Variants in PCDHGB1 observed in about 807,000 individuals in gnomAD.
PCDHGB1 encodes the protein protocadherin gamma subfamily B, 1, also known as protocadherin gamma-B1.
A neutral mutation model predicts 56.6 loss-of-function variants in PCDHGB1; 34 were observed. That is an observed-to-expected ratio of 0.60 (90% CI 0.46 to 0.80). The LOEUF (loss-of-function observed/expected upper bound fraction) is 0.80, where lower values mean the gene tolerates loss of function less well. PCDHGB1 is among the 30% of genes least tolerant of loss of function. PCDHGB1 has a pLI of 0.00. For missense variants in PCDHGB1, 1,278 were observed against 1,204.6 expected, an observed-to-expected ratio of 1.06 and a Z score of -0.90; for synonymous variants, 561 against 505.9, an observed-to-expected ratio of 1.11 and a Z score of -1.46.
Position 141,383,260 on chromosome 5 carries a change from G to C in PCDHGB1, c.2409+30591G>C, listed in dbSNP as rs375487349. On this transcript the variant is annotated intron_variant, in intron 1 of 3. Coordinates refer to ENST00000523390, the MANE Select transcript of PCDHGB1 (RefSeq NM_018922.3). ...TAAAATGAATCTTTACCCTATAGAC[G>C]TGGAAATAATAGATATTAATGACAA... 3.7e-6 allele frequency: 6 copies of C among 1,613,782 alleles called. No homozygotes were observed. The African/African-American group carries it at 6.7e-5, about 18-fold the overall frequency.
chr5:141,423,569 TC>T (rs2096755253), intron 1 of PCDHGB1: 1 of 1,613,362 alleles, frequency 6.2e-7, no homozygotes, highest in Non-Finnish European at 8.5e-7. Context: ...GACACGCTCA[TC>T]AGCCAGGAGA....
At chr5:141,429,610 T>C (rs2097228693) in intron 1 of PCDHGB1, among the ~76,000 whole-genome samples, 2 of 152,230 alleles carry the variant, frequency 1.3e-5, no homozygotes, top group African/African-American at 4.8e-5. Flanking sequence ...AACTCAATTT[T>C]ATGTCTGATA....
rs762398968 is a variant in PCDHGB1 at position 141,357,089 on chromosome 5, G to T, written c.2409+4420G>T. The T allele has an allele frequency of 2.5e-6, 4 of 1,613,760 alleles. No homozygotes were observed. Among genetic ancestry groups the T allele is most frequent in the Admixed American group, 3.3e-5 (2 of 60,010 alleles). ...CACACAGGCGAGGTGCGCACCGCAC[G>T]GGCCCTGCTGGACAGAGACGCGCTC... is the stretch of plus-strand genomic sequence containing the variant. On this transcript the variant is annotated intron_variant, in intron 1 of 3. Coordinates refer to ENST00000523390, the MANE Select transcript of PCDHGB1 (RefSeq NM_018922.3).
At chr5:141,422,899 G>C (rs759972749) in intron 1 of PCDHGB1, 13 of 1,614,116 alleles carry the variant, frequency 8.1e-6, no homozygotes, top group Middle Eastern at 3.3e-4. Context: ...GGACCAGAAC[G>C]ACAATGCGCC....
chr5:141,393,023 T>G (rs372159245), intron 1 of PCDHGB1: 22 of 1,613,668 alleles, frequency 1.4e-5, no homozygotes, highest in Non-Finnish European at 1.7e-5. Flanking sequence ...TCTCCAGAGG[T>G]AGGACGCAGC....
chr5:141,489,300 C>A lies in PCDHGB1; in HGVS notation c.2410-5507C>A. On this transcript the variant is annotated intron_variant, in intron 1 of 3. Coordinates refer to ENST00000523390, the MANE Select transcript of PCDHGB1 (RefSeq NM_018922.3). The surrounding 1 kb of genome is among the most constrained non-coding windows in gnomAD (Gnocchi z 4.5). ...AATGGCAAGTGCTGTGCATGTTGTC[C>A]TTGTGCTGCTGGGGCTGGGTGTCTG... 1 of 1,585,698 alleles carries A rather than the reference C, an allele frequency of 6.3e-7. No homozygotes were observed. Among genetic ancestry groups the A allele is most frequent in the South Asian group, 1.2e-5 (1 of 85,012 alleles).
At chr5:141,371,107 ACC>A in intron 1 of PCDHGB1, 1 of 1,613,650 alleles carries the variant, frequency 6.2e-7, no homozygotes, top group Non-Finnish European at 8.5e-7. Context: ...GCAAATGATA[ACC>A]CCCCAGTATT....
chr5:141,370,825 A>C, intron 1 of PCDHGB1: 3 of 1,614,070 alleles, frequency 1.9e-6, no homozygotes, highest in Non-Finnish European at 2.5e-6. Context: ...GAAATCAGCG[A>C]ACTGGCTCTC....
At chr5:141,455,920 C>T (rs941360102) in intron 1 of PCDHGB1, among the ~76,000 whole-genome samples, 1 of 147,944 alleles carries the variant, frequency 6.8e-6, no homozygotes, top group Non-Finnish European at 1.5e-5. Context: ...TATTTTGAGA[C>T]GGAGTCTCGC....
rs747633858 is a variant in PCDHGB1, at chr5:141,491,133, C to T, written c.2410-3674C>T. 6.2e-6 allele frequency: 10 copies of T among 1,614,158 alleles called. No homozygotes were observed. In the South Asian group the frequency reaches 9.9e-5, roughly 16 times the overall value. The stretch of plus-strand genomic sequence containing the variant: ...CACACACTGGTGAGGTGCGCACAGC[C>T]CGGGCCTTACTGGAGGATGACTCTG... On this transcript the variant is annotated intron_variant, in intron 1 of 3. Transcript: ENST00000523390. The surrounding 1 kb of genome is among the most constrained non-coding windows in gnomAD (Gnocchi z 6.9).
At chr5:141,389,990 C>G (rs2091998485) in intron 1 of PCDHGB1, 2 of 1,614,044 alleles carry the variant, frequency 1.2e-6, no homozygotes, top group Non-Finnish European at 1.7e-6. Flanking sequence ...TGCTCTTCCT[C>G]GTGGCCATGA....
At chr5:141,384,478 G>T (rs1350381914) in intron 1 of PCDHGB1, 1 of 1,613,986 alleles carries the variant, frequency 6.2e-7, no homozygotes, top group African/African-American at 1.3e-5. Flanking sequence ...GCAGTTGAGA[G>T]AACTACAACT....
chr5:141,361,548 C>G (rs374369531), intron 1 of PCDHGB1: 3 of 1,613,976 alleles, frequency 1.9e-6, no homozygotes, highest in Non-Finnish European at 2.5e-6. Flanking sequence ...GCGCCTCTAT[C>G]GCTCAAATCA....
rs146860480 is a variant in PCDHGB1 at position 141,474,581 on chromosome 5, T to G, written c.2410-20226T>G. ...GGTTTTCAGAGATTAATTGAAGTGTTAAAGACATGGAAATATAGGTCACAT... is the reference window on the plus strand; with the variant it reads ...GGTTTTCAGAGATTAATTGAAGTGTGAAAGACATGGAAATATAGGTCACAT... On this transcript the variant is annotated intron_variant, in intron 1 of 3. Transcript: ENST00000523390. Among the ~76,000 whole-genome samples the G allele has an allele frequency of 7.1e-4, 108 of 152,358 alleles. No homozygotes were observed. The East Asian group carries it at 0.015, about 21-fold the overall frequency.
intron 1 of PCDHGB1, chr5:141,430,850 A>T (rs1204872595): frequency 6.3e-7 from 1 of 1,582,670 alleles, no homozygotes; most frequent in South Asian, 1.2e-5. Context: ...ATGCACCCAG[A>T]TACGCTATTC....
At chr5:141,433,358 C>CTAT (rs2097585632) in intron 1 of PCDHGB1, 108 of 504,044 alleles carry the variant, frequency 2.1e-4, no homozygotes, top group African/African-American at 2.0e-3. Flanking sequence ...CTACTGTCTG[C>CTAT]CTATCTATCT....
intron 1 of PCDHGB1, chr5:141,413,577 T>C (rs752007520): frequency 2.5e-6 from 4 of 1,613,836 alleles, no homozygotes; most frequent in Non-Finnish European, 3.4e-6. Context: ...ATGACAATGC[T>C]CCAAAATTCC....
rs1030573273 is a variant in PCDHGB1, at chr5:141,373,834, G to T, written c.2409+21165G>T. On this transcript the variant is annotated intron_variant, in intron 1 of 3. Coordinates refer to ENST00000523390, the MANE Select transcript of PCDHGB1 (RefSeq NM_018922.3). Reference sequence around the variant, plus strand: ...GTTTCACAAAACGATGCAGTATTAAGTTAGGACTCTAAGCGTCGCTGTTGA... The same window carrying T: ...GTTTCACAAAACGATGCAGTATTAATTTAGGACTCTAAGCGTCGCTGTTGA... The T allele has an allele frequency of 1.2e-5, 5 of 424,566 alleles. No individual in the cohort carries two copies. In the East Asian group the frequency reaches 1.8e-4, roughly 15 times the overall value. The allele number at this position is 424,566 out of a possible 1,614,324, so 26.3% of individuals were successfully genotyped here. A position where few individuals can be genotyped will look rare whatever the true frequency, so the allele number is the denominator to read the frequency against.
In PCDHGB1 at chr5:141,491,928, G is replaced by T; in HGVS notation, c.2410-2879G>T. 1 of 1,301,482 alleles carries T rather than the reference G, an allele frequency of 7.7e-7. No homozygotes were observed. Among genetic ancestry groups the T allele is most frequent in the South Asian group, 1.6e-5 (1 of 63,466 alleles). 80.6% of individuals were successfully genotyped at this position (1,301,482 alleles called of 1,614,324 possible). A position where few individuals can be genotyped will look rare whatever the true frequency, so the allele number is the denominator to read the frequency against. On this transcript the variant is annotated intron_variant, in intron 1 of 3. Coordinates refer to ENST00000523390, the MANE Select transcript of PCDHGB1 (RefSeq NM_018922.3). The surrounding 1 kb of genome is among the most constrained non-coding windows in gnomAD (Gnocchi z 6.9). ...TGGTGGCGACTGTGGGCGAGGGGAG[G>T]TGGGACCGACCCCCACCCCTACACT... is the stretch of plus-strand genomic sequence containing the variant.
Sources: gnomAD v4.1 joint callset for allele counts (sites outside exome capture counted in the v4.1 genomes callset) on GRCh38, gnomAD v4.1.1 for gene constraint, Gnocchi (gnomAD v3.1) non-coding constraint, MANE v1.5 for transcripts, NCBI Gene and HGNC (gene_info 2026-07-23, HGNC 2026-07-21) for gene names.